Variants in PIK3C2A observed in about 807,000 individuals in gnomAD.
PIK3C2A encodes the protein phosphatidylinositol 4-phosphate 3-kinase C2 domain-containing subunit alpha.
A neutral mutation model predicts 204.5 loss-of-function variants in PIK3C2A; 97 were observed. The ratio of observed to expected loss-of-function variants is 0.47; its 90% CI spans 0.40 to 0.56. PIK3C2A has a LOEUF of 0.56. Among genes scored for constraint, PIK3C2A ranks in the 20% least tolerant of loss-of-function variants. The probability of loss-of-function intolerance (pLI) is 0.00; values close to 1 mark genes in which losing one functional copy is unlikely to be tolerated. For synonymous variants in PIK3C2A, 653 were observed against 664.4 expected, an observed-to-expected ratio of 0.98 and a Z score of 0.26; for missense variants, 1,735 against 1,969.2, an observed-to-expected ratio of 0.88 and a Z score of 2.25.
At position 17,145,958 on chromosome 11, in the gene PIK3C2A, T is replaced by C; in HGVS notation, c.1561-16A>G. On this transcript the variant is annotated splice_polypyrimidine_tract_variant and intron_variant, in intron 6 of 32. Coordinates refer to ENST00000691414, the MANE Select transcript of PIK3C2A (RefSeq NM_002645.4). The stretch of plus-strand genomic sequence containing the variant: ...CATCTTCTGCCTAAACAAACACATA[T>C]ACACAAAAAAATCACATCCACTCTT... 6.3e-7 allele frequency: 1 copy of C among 1,593,716 alleles called. No homozygotes were observed.
In PIK3C2A at chr11:17,175,899, G is replaced by C. The variant is rs548176643; in HGVS notation, c.-65-6093C>G. ...GATCTTAAAATTTCAAGACAACTAA[G>C]AAAACTAAAAAAGAATTATTTGAGT... On this transcript the variant is annotated intron_variant, in intron 1 of 32. Transcript: ENST00000691414. Among the ~76,000 whole-genome samples, 16 of 151,888 alleles carry C rather than the reference G, an allele frequency of 1.1e-4. 1 individual carries two copies. The South Asian group carries it at 3.3e-3, about 32-fold the overall frequency.
At chr11:17,101,815 G>T (rs1268060631) in intron 24 of PIK3C2A, among the ~76,000 whole-genome samples, 1 of 151,734 alleles carries the variant, frequency 6.6e-6, no homozygotes, top group Non-Finnish European at 1.5e-5. Flanking sequence ...GTGTTAGCCA[G>T]GATGGTCTCG....
chr11:17,200,442 AG>A lies in PIK3C2A; in HGVS notation c.-66+7405del, dbSNP rs1852326477. On this transcript the variant is annotated intron_variant, in intron 1 of 32. Coordinates refer to ENST00000691414, the MANE Select transcript of PIK3C2A (RefSeq NM_002645.4). ...CTAAAAAAGTTTATTAATAAAAAAG[AG>A]ACATGTTATTGAATCTCAAAAGTGT... Among the ~76,000 whole-genome samples the A allele has an allele frequency of 2.8e-5, 4 of 140,684 alleles. 1 individual carries two copies. The highest frequency in any genetic ancestry group is 6.9e-3 in the Middle Eastern group (2 of 288). 92.3% of individuals were successfully genotyped at this position (140,684 alleles called of 152,430 possible).
At chr11:17,099,483 T>C (rs572896220) in intron 26 of PIK3C2A, among the ~76,000 whole-genome samples, 2 of 152,260 alleles carry the variant, frequency 1.3e-5, no homozygotes, top group African/African-American at 4.8e-5. Context: ...GGAAGCGAGG[T>C]TGCAGTGAAC....
At chr11:17,124,530 A>G (rs923031211) in intron 13 of PIK3C2A, among the ~76,000 whole-genome samples, 2 of 147,320 alleles carry the variant, frequency 1.4e-5, no homozygotes, top group Non-Finnish European at 3.0e-5. Flanking sequence ...ATACATTTGG[A>G]TGTCTTTTTA....
intron 26 of PIK3C2A, 60 bp from the exon 27 acceptor site, chr11:17,097,324 A>G (rs555486544): frequency 5.7e-6 from 6 of 1,044,204 alleles, no homozygotes; most frequent in African/African-American, 3.2e-5. Context: ...AATTCTTTCA[A>G]TGTAATAAAT....
chr11:17,149,716 A>C (rs545826355), intron 4 of PIK3C2A, among the ~76,000 whole-genome samples: 8 of 152,240 alleles, frequency 5.3e-5, no homozygotes, highest in South Asian at 2.1e-4. Context: ...CTCTCTCAAA[A>C]AACAACAACA....
At chr11:17,192,143 C>G (rs1027652475) in intron 1 of PIK3C2A, among the ~76,000 whole-genome samples, 3 of 151,944 alleles carry the variant, frequency 2.0e-5, no homozygotes, top group Non-Finnish European at 4.4e-5. Flanking sequence ...AGACCCCTGT[C>G]TCAATAAATA....
chr11:17,089,885 T>C lies in PIK3C2A; in HGVS notation c.4914A>G (p.Arg1638=). 6.2e-7 allele frequency: 1 copy of C among 1,612,260 alleles called. No homozygotes were observed. Among genetic ancestry groups the C allele is most frequent in the South Asian group, 1.1e-5 (1 of 90,762 alleles). The part of the protein sequence containing the change: ...VYSGYSKETL[R]QRELQLSVLS... Reference sequence around the variant, plus strand: ...GTACACTTAGTTGAAGTTCTCGCTGTCTTAGGGTTTCTTTGCTATATCCAC... The same window carrying C: ...GTACACTTAGTTGAAGTTCTCGCTGCCTTAGGGTTTCTTTGCTATATCCAC... Residue 1638 remains arginine, a synonymous_variant, in exon 33 of 33, where the codon AGA becomes AGG. Transcript: ENST00000691414.
In PIK3C2A at chr11:17,129,301, G is replaced by A. The variant is rs201036447; in HGVS notation, c.2398C>T (p.Arg800Trp). 3.7e-5 allele frequency: 59 copies of A among 1,612,432 alleles called. No homozygotes were observed. The highest frequency in any genetic ancestry group is 1.3e-4 in the African/African-American group (10 of 74,940). ...KVSLPLFDFKRFLTCGTKLLY... is the reference protein window; with the variant it reads ...KVSLPLFDFKWFLTCGTKLLY... The stretch of plus-strand genomic sequence containing the variant: ...CCATTACAATTCGGTAATACTTACC[G>A]TTTAAAGTCAAAAAGAGGTAAAGAA... Residue 800 changes from arginine to tryptophan, a missense_variant and splice_region_variant, in exon 13 of 33, where the codon CGG becomes TGG. By Grantham distance (101) the Arg-to-Trp change is moderately radical. This residue lies in a region of PIK3C2A where 567 missense variants were observed against 576.0 expected (regional missense o/e 0.98). Transcript: ENST00000691414.
At chr11:17,139,596 G>A (rs1002469484) in intron 8 of PIK3C2A, among the ~76,000 whole-genome samples, 8 of 152,106 alleles carry the variant, frequency 5.3e-5, no homozygotes, top group African/African-American at 1.7e-4. Flanking sequence ...TCTTACTACC[G>A]ACATGGTCAT....
At chr11:17,128,413 AT>A (rs1227702418) in intron 13 of PIK3C2A, among the ~76,000 whole-genome samples, 3 of 151,338 alleles carry the variant, frequency 2.0e-5, no homozygotes. Flanking sequence ...TAATGTTTAT[AT>A]TTTTGGCAGA....
rs12293793 is a variant in PIK3C2A at position 17,199,135 on chromosome 11, A to G, written c.-66+8713T>C. Among the ~76,000 whole-genome samples, 1,061 of 150,262 alleles carry G rather than the reference A, an allele frequency of 7.1e-3. 22 individuals are homozygous for G. The highest frequency in any genetic ancestry group is 0.025 in the African/African-American group (1,012 of 40,480). On this transcript the variant is annotated intron_variant, in intron 1 of 32. Coordinates refer to ENST00000691414, the MANE Select transcript of PIK3C2A (RefSeq NM_002645.4). ...CACCGTCTCAAGAAAAAAAAAAAAA[A>G]GCCAACTTATTATCAATAAGGACAT...
intron 25 of PIK3C2A, 151 bp from the exon 26 acceptor site, chr11:17,100,120 TTATC>T (rs1290555074): frequency 6.7e-6 from 3 of 444,818 alleles, no homozygotes; most frequent in South Asian, 5.0e-5. Context: ...ACCTAGGTGA[TTATC>T]TAACAAATAA....
rs12295187 is a variant in PIK3C2A, at chr11:17,182,271, C to T, written c.-65-12465G>A. 4.8e-3 allele frequency among the ~76,000 whole-genome samples: 728 copies of T among 151,958 alleles called. 10 individuals are homozygous for T. Among genetic ancestry groups the T allele is most frequent in the African/African-American group, 0.017 (691 of 41,420 alleles). ...TATATGATTTGTGCACTTTTCTGTG[C>T]GTTACTTAACCATAAAGAATAATCT... On this transcript the variant is annotated intron_variant, in intron 1 of 32. Coordinates refer to ENST00000691414, the MANE Select transcript of PIK3C2A (RefSeq NM_002645.4).
At chr11:17,104,073 A>G (rs1333392547) in intron 23 of PIK3C2A, among the ~76,000 whole-genome samples, 1 of 152,206 alleles carries the variant, frequency 6.6e-6, no homozygotes, top group Non-Finnish European at 1.5e-5. Context: ...TATAAAGATG[A>G]TCCATTAATG....
intron 2 of PIK3C2A, among the ~76,000 whole-genome samples, 163 bp downstream of exon 2, chr11:17,168,514 G>T (rs1851046808): frequency 6.6e-6 from 1 of 152,146 alleles, no homozygotes; most frequent in Admixed American, 6.5e-5. Flanking sequence ...CTGGGAGGCG[G>T]AGCTTGCAGT....
chr11:17,140,893 GA>G (rs1238133428), intron 8 of PIK3C2A, among the ~76,000 whole-genome samples: 6 of 152,182 alleles, frequency 3.9e-5, no homozygotes, highest in Non-Finnish European at 8.8e-5. Flanking sequence ...GGTGAGTAAA[GA>G]AATCTCTGGT....
intron 1 of PIK3C2A, chr11:17,193,835 ACT>A (rs1852024392): frequency 6.7e-6 from 1 of 148,908 alleles, no homozygotes; most frequent in Non-Finnish European, 1.3e-5. Flanking sequence ...ACAGAGCGAG[ACT>A]CTGTCTCAAA....
Sources: gnomAD v4.1 joint callset for allele counts (sites outside exome capture counted in the v4.1 genomes callset) on GRCh38, gnomAD v4.1.1 for gene constraint, gnomAD v4.1.1 regional missense constraint, MANE v1.5 for transcripts, NCBI Gene and HGNC (gene_info 2026-07-23, HGNC 2026-07-21) for gene names.